Variants in PRELID2 observed in about 807,000 individuals in gnomAD.
PRELID2 encodes PRELI domain-containing protein 2.
In PRELID2, 25 loss-of-function variants were observed where a neutral mutation model predicts 28.4. The observed-to-expected ratio is 0.88, with a 90% CI of 0.64 to 1.23. PRELID2 has a LOEUF of 1.23. PRELID2 is among the 50% of genes most tolerant of loss of function. PRELID2 has a pLI of 0.00. For synonymous variants in PRELID2, 76 were observed against 71.6 expected (o/e 1.06, Z -0.31); for missense variants, 201 against 214.4 (o/e 0.94, Z 0.39).
the PRELID2 span, among the ~76,000 whole-genome samples, chr5:145,273,186 A>C: frequency 0.033 from 5,062 of 152,252 alleles, 271 homozygotes; most frequent in African/African-American, 0.12. Flanking sequence ...GAACTGAAAA[A>C]GTATCAGCAA....
At chr5:145,530,824 C>T (rs1051189865) in intron 1 of PRELID2, among the ~76,000 whole-genome samples, 2 of 151,854 alleles carry the variant, frequency 1.3e-5, no homozygotes, top group African/African-American at 2.4e-5. Flanking sequence ...GTCATAATTG[C>T]CCAAGGAGAA....
intron 5 of PRELID2, among the ~76,000 whole-genome samples, chr5:145,775,431 T>A (rs1758352453): frequency 6.6e-6 from 1 of 152,232 alleles, no homozygotes; most frequent in Non-Finnish European, 1.5e-5. Flanking sequence ...TGCGTGGTTT[T>A]AATTTTATTA....
intron 4 of PRELID2, among the ~76,000 whole-genome samples, chr5:145,803,620 C>T (rs772446183): frequency 6.6e-6 from 1 of 151,338 alleles, no homozygotes; most frequent in Non-Finnish European, 1.5e-5. Flanking sequence ...AGGCAATATG[C>T]GGAAAGCACT....
intron 5 of PRELID2, among the ~76,000 whole-genome samples, chr5:145,794,777 G>A (rs1033213780): frequency 1.3e-5 from 2 of 152,082 alleles, no homozygotes; most frequent in African/African-American, 4.8e-5. Flanking sequence ...GGATCAGAAT[G>A]TACATAACCA....
chr5:145,307,872 A>T, the PRELID2 span, among the ~76,000 whole-genome samples: 1 of 152,166 alleles, frequency 6.6e-6, no homozygotes. Context: ...TGACCTGGAC[A>T]TCTATGTACG....
intron 1 of PRELID2, among the ~76,000 whole-genome samples, chr5:145,501,787 G>A (rs1025713727): frequency 6.6e-6 from 1 of 151,994 alleles, no homozygotes; most frequent in African/African-American, 2.4e-5. Flanking sequence ...ATTTTCCTTG[G>A]CCATCCCTGT....
At chr5:145,323,837 A>G in the PRELID2 span, among the ~76,000 whole-genome samples, 1 of 152,216 alleles carries the variant, frequency 6.6e-6, no homozygotes, top group East Asian at 1.9e-4. Flanking sequence ...GTAGATATGT[A>G]TCATATTTTC....
chr5:145,315,064 CTTTTTTT>C, the PRELID2 span, among the ~76,000 whole-genome samples: 1 of 100,590 alleles, frequency 9.9e-6, no homozygotes. Flanking sequence ...TACAATAATT[CTTTTTTT>C]TTTTTTTTTT....
chr5:145,401,260 A>G, the PRELID2 span, among the ~76,000 whole-genome samples: 2 of 151,422 alleles, frequency 1.3e-5, no homozygotes, highest in African/African-American at 4.9e-5. Flanking sequence ...CCCCTAGCCC[A>G]TTATCCTTGG....
intron 1 of PRELID2, among the ~76,000 whole-genome samples, chr5:145,677,437 G>A (rs950997769): frequency 1.3e-5 from 2 of 152,128 alleles, no homozygotes; most frequent in East Asian, 3.9e-4. Context: ...TTATGGGCCT[G>A]AGCCACCATG....
intron 4 of PRELID2, among the ~76,000 whole-genome samples, chr5:145,801,501 T>C (rs1210678459): frequency 6.6e-6 from 1 of 152,196 alleles, no homozygotes; most frequent in Non-Finnish European, 1.5e-5. Context: ...ACATTTATGA[T>C]ATTACAAATT....
At chr5:145,590,005 C>T (rs908054668) in intron 1 of PRELID2, among the ~76,000 whole-genome samples, 1 of 152,168 alleles carries the variant, frequency 6.6e-6, no homozygotes, top group Non-Finnish European at 1.5e-5. Context: ...ATATGTACTA[C>T]ATATGAATTA....
the PRELID2 span, among the ~76,000 whole-genome samples, chr5:145,259,018 G>A: frequency 1.3e-5 from 2 of 152,146 alleles, no homozygotes; most frequent in East Asian, 1.9e-4. Context: ...AGGGGTCCAG[G>A]TGCCTCTCAG....
At chr5:145,662,260 G>A (rs538004843) in intron 1 of PRELID2, among the ~76,000 whole-genome samples, 61 of 152,082 alleles carry the variant, frequency 4.0e-4, no homozygotes, top group Non-Finnish European at 7.9e-4. Flanking sequence ...AGAGAGACAT[G>A]AGATCAAAGG....
Position 145,757,616 on chromosome 5 carries a change from A to C in PRELID2, c.*2920T>G, listed in dbSNP as rs1581145299. 1.3e-5 allele frequency among the ~76,000 whole-genome samples: 2 copies of C among 152,274 alleles called. No individual in the cohort carries two copies. Among genetic ancestry groups the C allele is most frequent in the East Asian group, 3.9e-4 (2 of 5,186 alleles). On this transcript the variant is annotated 3_prime_UTR_variant, in exon 7 of 7. Coordinates refer to ENST00000683046, the MANE Select transcript of PRELID2 (RefSeq NM_205846.3). Reference sequence around the variant, plus strand: ...TACAGAATAAAAAACATGGACTTCTAAATGTTTTATCACAAAACATATAAT... The same window carrying C: ...TACAGAATAAAAAACATGGACTTCTCAATGTTTTATCACAAAACATATAAT...
At chr5:145,362,398 T>G in the PRELID2 span, among the ~76,000 whole-genome samples, 1 of 152,102 alleles carries the variant, frequency 6.6e-6, no homozygotes, top group Admixed American at 6.6e-5. Flanking sequence ...GCAACGTGTT[T>G]CCATTGACTC....
intron 1 of PRELID2, among the ~76,000 whole-genome samples, chr5:145,543,864 G>A (rs1347517933): frequency 6.6e-6 from 1 of 152,028 alleles, no homozygotes; most frequent in Non-Finnish European, 1.5e-5. Context: ...CATAAAGCTT[G>A]TCATTGGGTT....
At chr5:145,666,336 A>T (rs1248248426) in intron 1 of PRELID2, among the ~76,000 whole-genome samples, 2 of 152,100 alleles carry the variant, frequency 1.3e-5, no homozygotes, top group East Asian at 3.9e-4. Context: ...TTCTCAAGAT[A>T]TGGGTCAGCC....
Position 145,730,421 on chromosome 5 carries a change from CA to C in PRELID2, n.70+34509del, listed in dbSNP as rs538420623. 4.4e-4 allele frequency among the ~76,000 whole-genome samples: 67 copies of C among 152,282 alleles called. No homozygotes were observed. The South Asian group carries it at 0.014, about 32-fold the overall frequency. ...AATAACTAGCACACTCTCAAAATGC[CA>C]AACTAAGGTGATTTTGACTATTCAT... is the stretch of plus-strand genomic sequence containing the variant. On this transcript the variant is annotated intron_variant and non_coding_transcript_variant, in intron 1 of 2. Transcript: ENST00000510259.
Sources: gnomAD v4.1 joint callset for allele counts (sites outside exome capture counted in the v4.1 genomes callset) on GRCh38, gnomAD v4.1.1 for gene constraint, MANE v1.5 for transcripts, NCBI Gene and HGNC (gene_info 2026-07-23, HGNC 2026-07-21) for gene names.